The following BMP6 variants were observed in gnomAD, a reference collection of about 807,000 sequenced individuals.
BMP6 encodes the protein bone morphogenetic protein 6, also known as VG-1-R.
Under a neutral mutation model 54.1 loss-of-function variants are expected in BMP6, and 17 were observed. That is an observed-to-expected ratio of 0.31 (90% CI 0.22 to 0.47). The LOEUF (loss-of-function observed/expected upper bound fraction) is 0.47. Among genes scored for constraint, BMP6 ranks in the 20% least tolerant of loss-of-function variants. BMP6 has a pLI of 1.00. For synonymous variants in BMP6, 328 were observed against 291.2 expected, an observed-to-expected ratio of 1.13 and a Z score of -1.28; for missense variants, 720 against 690.4, an observed-to-expected ratio of 1.04 and a Z score of -0.48.
chr6:7,747,673 G>A (rs954274702), intron 1 of BMP6, among the ~76,000 whole-genome samples: 3 of 152,148 alleles, frequency 2.0e-5, no homozygotes, highest in African/African-American at 4.8e-5. Flanking sequence ...TTCAGACAAG[G>A]TCTTGCTCTG....
At chr6:7,769,368 C>CT (rs1412713146) in intron 1 of BMP6, among the ~76,000 whole-genome samples, 1 of 152,070 alleles carries the variant, frequency 6.6e-6, no homozygotes, top group Non-Finnish European at 1.5e-5. Context: ...ATCAGGATGC[C>CT]TGGGGGGGTG....
At chr6:7,828,511 G>C (rs1483736084) in intron 1 of BMP6, among the ~76,000 whole-genome samples, 1 of 152,174 alleles carries the variant, frequency 6.6e-6, no homozygotes, top group East Asian at 1.9e-4. Context: ...TAGAACTGAG[G>C]TCTTGGTTCT....
chr6:7,781,225 T>C (rs1012286169), intron 1 of BMP6, among the ~76,000 whole-genome samples: 4 of 152,236 alleles, frequency 2.6e-5, no homozygotes, highest in African/African-American at 7.2e-5. Flanking sequence ...ATAAGTAGTA[T>C]CGTTACTTTT....
chr6:7,861,882 G>C (rs180819485), intron 3 of BMP6, among the ~76,000 whole-genome samples: 1 of 152,154 alleles, frequency 6.6e-6, no homozygotes, highest in African/African-American at 2.4e-5. Flanking sequence ...GGCAGGTTGC[G>C]GGGGATGCAG....
chr6:7,736,722 G>A (rs1296501119), intron 1 of BMP6, among the ~76,000 whole-genome samples: 2 of 152,148 alleles, frequency 1.3e-5, no homozygotes, highest in African/African-American at 2.4e-5. Context: ...GGATATTAGG[G>A]GTTTGTGTTT....
chr6:7,845,851 T>C (rs1430297590), intron 2 of BMP6, among the ~76,000 whole-genome samples: 1 of 152,190 alleles, frequency 6.6e-6, no homozygotes, highest in Non-Finnish European at 1.5e-5. Flanking sequence ...ATGTCTGTAT[T>C]ACTCTCGTTT....
At chr6:7,832,284 T>C (rs1214274545) in intron 1 of BMP6, among the ~76,000 whole-genome samples, 8 of 152,198 alleles carry the variant, frequency 5.3e-5, no homozygotes, top group Non-Finnish European at 1.2e-4. Context: ...TCTTGAAACC[T>C]AACCCCCAAG....
chr6:7,855,414 G>T (rs973277539), intron 2 of BMP6, among the ~76,000 whole-genome samples: 17 of 152,120 alleles, frequency 1.1e-4, no homozygotes, highest in African/African-American at 3.6e-4. Flanking sequence ...GGATTCTGAT[G>T]CAGGCTACAC....
intron 1 of BMP6, among the ~76,000 whole-genome samples, chr6:7,838,761 T>G (rs1314973970): frequency 6.6e-6 from 1 of 151,900 alleles, no homozygotes; most frequent in Non-Finnish European, 1.5e-5. Flanking sequence ...GCTAATACGG[T>G]GAAACCTCGT....
Position 7,726,942 on chromosome 6 carries a change from C to A in BMP6, c.-14C>A. 2 of 1,133,366 alleles carry A rather than the reference C, an allele frequency of 1.8e-6. No homozygotes were observed. The highest frequency in any genetic ancestry group is 2.2e-6 in the Non-Finnish European group (2 of 924,688). 70.2% of individuals were successfully genotyped at this position (1,133,366 alleles called of 1,614,324 possible). On this transcript the variant is annotated 5_prime_UTR_variant, in exon 1 of 7. Transcript: ENST00000283147. The stretch of plus-strand genomic sequence containing the variant: ...GCCTCGCGGGATCCGCGGGGGCAGC[C>A]CGGCCGGGCGGGGATGCCGGGGCTG...
At chr6:7,847,641 G>C (rs886375346) in intron 2 of BMP6, among the ~76,000 whole-genome samples, 2 of 152,148 alleles carry the variant, frequency 1.3e-5, no homozygotes, top group African/African-American at 4.8e-5. Context: ...CAGAGTCAGG[G>C]TTTTAAATGC....
chr6:7,801,355 C>T (rs1424130103), intron 1 of BMP6, among the ~76,000 whole-genome samples: 1 of 152,176 alleles, frequency 6.6e-6, no homozygotes, highest in Admixed American at 6.5e-5. Flanking sequence ...CACTGAGAAA[C>T]TCGATAGAGA....
At chr6:7,853,985 G>A (rs1219908704) in intron 2 of BMP6, among the ~76,000 whole-genome samples, 1 of 152,000 alleles carries the variant, frequency 6.6e-6, no homozygotes, top group African/African-American at 2.4e-5. Context: ...TAAGGCACAG[G>A]GTAGAAGAGA....
At chr6:7,771,685 G>T (rs529237180) in intron 1 of BMP6, among the ~76,000 whole-genome samples, 1 of 68,318 alleles carries the variant, frequency 1.5e-5, no homozygotes, top group African/African-American at 3.4e-5. Context: ...GCATGGAGGG[G>T]TGTTACACAG....
chr6:7,836,781 C>G (rs1313133243), intron 1 of BMP6, among the ~76,000 whole-genome samples: 1 of 152,074 alleles, frequency 6.6e-6, no homozygotes. Context: ...TTTGTTTCAC[C>G]TTGGTCAAAA....
chr6:7,730,375 A>T (rs1025534524), intron 1 of BMP6, among the ~76,000 whole-genome samples: 62 of 152,330 alleles, frequency 4.1e-4, no homozygotes, highest in African/African-American at 1.4e-3. Flanking sequence ...AGGCCCCAAG[A>T]CAGGCTGACA....
At position 7,862,321 on chromosome 6, in the gene BMP6, G is replaced by A. The variant is rs1308444167; in HGVS notation, c.1027G>A (p.Ala343Thr). Residue 343 changes from alanine (A) to threonine (T), a missense_variant, in exon 4 of 7, where the codon GCC (alanine) becomes ACC (threonine). Ala to Thr is a moderately conservative substitution (Grantham distance 58). Coordinates refer to ENST00000283147, the MANE Select transcript of BMP6 (RefSeq NM_001718.6). The stretch of plus-strand genomic sequence containing the variant: ...TAAAGGAGTCCACGTCCACCCCCGA[G>A]CCGCAGGCCTGGTGGGCAGAGACGG... ...TRDGVHVHPRAAGLVGRDGPY... is the reference protein window; with the variant it reads ...TRDGVHVHPRTAGLVGRDGPY... 2 of 1,614,094 alleles carry A rather than the reference G, an allele frequency of 1.2e-6. No individual in the cohort carries two copies. The highest frequency in any genetic ancestry group is 4.5e-5 in the East Asian group (2 of 44,894).
intron 1 of BMP6, among the ~76,000 whole-genome samples, chr6:7,798,898 A>C (rs181558504): frequency 3.3e-4 from 51 of 152,330 alleles, no homozygotes; most frequent in Non-Finnish European, 5.3e-4. Flanking sequence ...CGCCAGAGTG[A>C]TACAGAGAAA....
chr6:7,880,247 G>A lies in BMP6; in HGVS notation c.1446G>A (p.Lys482=). ...YVPKPCCAPT[K]LNAISVLYFD... is the part of the protein sequence containing the mutation. ...CCAAACCGTGCTGTGCGCCAACTAA[G>A]CTAAATGCCATCTCGGTTCTTTACT... Residue 482 remains lysine (K), a synonymous_variant, in exon 7 of 7, where the codon AAG becomes AAA. Transcript: ENST00000283147. The A allele has an allele frequency of 6.2e-7, 1 of 1,614,130 alleles. No individual in the cohort carries two copies. Among genetic ancestry groups the A allele is most frequent in the East Asian group, 2.2e-5 (1 of 44,884 alleles).
Sources: allele counts gnomAD v4.1 joint callset (sites outside exome capture counted in the v4.1 genomes callset), GRCh38; gene constraint gnomAD v4.1.1; transcripts MANE v1.5; gene names NCBI Gene and HGNC (gene_info 2026-07-23, HGNC 2026-07-21).